Variants in SLC2A13 observed in about 807,000 individuals in gnomAD.
The protein encoded by SLC2A13 is solute carrier family 2 member 13, also known as proton myo-inositol cotransporter.
SLC2A13 carries 32 observed loss-of-function variants against 64.4 expected under a neutral mutation model. The observed-to-expected ratio is 0.50, with a 90% CI of 0.37 to 0.67. SLC2A13 has a LOEUF of 0.67. Ranked by LOEUF, SLC2A13 falls within the 30% of genes least tolerant of loss-of-function variation. The pLI is 0.00. For synonymous variants in SLC2A13, 338 were observed against 327.1 expected (o/e 1.03, Z -0.36); for missense variants, 743 against 829.2 (o/e 0.90, Z 1.28).
chr12:40,063,445 G>A (rs17442227), intron 1 of SLC2A13, among the ~76,000 whole-genome samples: 5,342 of 148,794 alleles, frequency 0.036, 134 homozygotes, highest in Non-Finnish European at 0.051. Flanking sequence ...GAAGCATAAT[G>A]CCTACATCTA....
At chr12:40,026,203 C>T (rs754734760) in intron 3 of SLC2A13, among the ~76,000 whole-genome samples, 6 of 152,128 alleles carry the variant, frequency 3.9e-5, no homozygotes, top group Non-Finnish European at 7.4e-5. Context: ...TAATACAAAT[C>T]CAGAAATGGA....
chr12:39,895,746 A>G (rs1337875945), intron 4 of SLC2A13, among the ~76,000 whole-genome samples: 34 of 79,932 alleles, frequency 4.3e-4, no homozygotes, highest in East Asian at 1.8e-3. Flanking sequence ...ACACACATGT[A>G]TATGCGTGTA....
intron 1 of SLC2A13, among the ~76,000 whole-genome samples, chr12:40,075,895 T>C (rs1414223198): frequency 6.6e-6 from 1 of 152,192 alleles, no homozygotes; most frequent in African/African-American, 2.4e-5. Flanking sequence ...AATCAATCCA[T>C]TTTCCATTTG....
intron 3 of SLC2A13, among the ~76,000 whole-genome samples, chr12:40,012,162 T>C (rs1947542208): frequency 6.6e-6 from 1 of 152,252 alleles, no homozygotes; most frequent in Non-Finnish European, 1.5e-5. Context: ...AATTAGTTTC[T>C]CATCTCAACT....
intron 7 of SLC2A13, among the ~76,000 whole-genome samples, chr12:39,794,247 T>C (rs1230990547): frequency 6.6e-6 from 1 of 151,594 alleles, no homozygotes; most frequent in Non-Finnish European, 1.5e-5. Flanking sequence ...GTTTTTCCCC[T>C]ATAAAACCCC....
At chr12:40,079,451 T>C (rs1331599220) in intron 1 of SLC2A13, among the ~76,000 whole-genome samples, 1 of 152,234 alleles carries the variant, frequency 6.6e-6, no homozygotes, top group Non-Finnish European at 1.5e-5. Context: ...TCTATTTTTA[T>C]TGCACTGAGG....
intron 1 of SLC2A13, among the ~76,000 whole-genome samples, chr12:40,059,864 C>T (rs1948389936): frequency 6.6e-6 from 1 of 152,112 alleles, no homozygotes; most frequent in Admixed American, 6.6e-5. Flanking sequence ...GGAGGATGCT[C>T]TCTGGACTGG....
intron 1 of SLC2A13, among the ~76,000 whole-genome samples, chr12:40,083,445 T>G (rs1199165581): frequency 2.0e-5 from 3 of 152,114 alleles, no homozygotes; most frequent in African/African-American, 7.2e-5. Context: ...AATAACTGAT[T>G]CCCTCCCACA....
intron 4 of SLC2A13, among the ~76,000 whole-genome samples, chr12:39,885,085 A>G (rs2135966267): frequency 6.6e-6 from 1 of 152,356 alleles, no homozygotes; most frequent in Non-Finnish European, 1.5e-5. Flanking sequence ...TACATTTAAG[A>G]GTTGCCTTTC....
chr12:39,953,800 C>G (rs781671500), intron 3 of SLC2A13, among the ~76,000 whole-genome samples: 1 of 152,132 alleles, frequency 6.6e-6, no homozygotes, highest in Non-Finnish European at 1.5e-5. Context: ...ATCCCTCTTC[C>G]TTCACTCTGA....
intron 4 of SLC2A13, among the ~76,000 whole-genome samples, chr12:39,921,677 C>G (rs1049880359): frequency 2.0e-5 from 3 of 152,036 alleles, no homozygotes; most frequent in Non-Finnish European, 4.4e-5. Flanking sequence ...AGCATTTAAG[C>G]GAAAACTTAA....
chr12:39,895,753 T>G (rs1450723352), intron 4 of SLC2A13, among the ~76,000 whole-genome samples: 1 of 104,436 alleles, frequency 9.6e-6, no homozygotes, highest in African/African-American at 3.6e-5. Flanking sequence ...TGTATATGCG[T>G]GTATACGTAC....
At chr12:39,934,396 T>C (rs1414246855) in intron 4 of SLC2A13, among the ~76,000 whole-genome samples, 3 of 152,162 alleles carry the variant, frequency 2.0e-5, no homozygotes, top group Non-Finnish European at 4.4e-5. Flanking sequence ...CTCAAAGGCA[T>C]AGATGAGGCC....
chr12:39,795,756 C>T lies in SLC2A13; in HGVS notation c.1446-30898G>A, dbSNP rs1941551528. Among the ~76,000 whole-genome samples the T allele has an allele frequency of 2.0e-5, 3 of 152,136 alleles. 1 individual carries two copies. The highest frequency in any genetic ancestry group is 2.4e-5 in the African/African-American group (1 of 41,428). On this transcript the variant is annotated intron_variant, in intron 7 of 9. Transcript: ENST00000280871. ...AACATAAAGTCAGGCCACATAAGGGCTGACTTCTGATTTTAAATTATTGGG... is the reference window on the plus strand; with the variant it reads ...AACATAAAGTCAGGCCACATAAGGGTTGACTTCTGATTTTAAATTATTGGG...
chr12:39,763,208 C>A (rs555163822), intron 9 of SLC2A13, among the ~76,000 whole-genome samples: 27 of 151,802 alleles, frequency 1.8e-4, no homozygotes, highest in Non-Finnish European at 3.1e-4. Context: ...AAATATATAT[C>A]CAGTTTAAAA....
intron 1 of SLC2A13, among the ~76,000 whole-genome samples, chr12:40,063,090 A>G (rs1948450591): frequency 6.6e-6 from 1 of 151,976 alleles, no homozygotes; most frequent in Admixed American, 6.6e-5. Flanking sequence ...TATTAATACC[A>G]TTTTCCGGTA....
intron 1 of SLC2A13, among the ~76,000 whole-genome samples, chr12:40,096,960 A>G (rs1399832732): frequency 6.6e-6 from 1 of 152,138 alleles, no homozygotes; most frequent in Non-Finnish European, 1.5e-5. Flanking sequence ...ATCATATAAT[A>G]GAAAGGTGGG....
chr12:39,951,535 G>A (rs1946230507), intron 3 of SLC2A13, among the ~76,000 whole-genome samples, 170 bp from the exon 4 acceptor site: 1 of 152,054 alleles, frequency 6.6e-6, no homozygotes, highest in African/African-American at 2.4e-5. Context: ...ATTTTATTTT[G>A]CAAACAGATA....
chr12:39,833,973 C>T (rs961018642), intron 6 of SLC2A13, among the ~76,000 whole-genome samples: 2 of 151,488 alleles, frequency 1.3e-5, no homozygotes, highest in African/African-American at 4.8e-5. Flanking sequence ...AGGGTTCCTT[C>T]TCTATATCCA....
Sources: gnomAD v4.1 joint callset for allele counts (sites outside exome capture counted in the v4.1 genomes callset) on GRCh38, gnomAD v4.1.1 for gene constraint, MANE v1.5 for transcripts, NCBI Gene and HGNC (gene_info 2026-07-23, HGNC 2026-07-21) for gene names.